CCT5: variants seen among roughly 807,000 people sequenced by gnomAD.
CCT5 encodes T-complex protein 1 subunit epsilon.
CCT5 carries 6 observed loss-of-function variants against 55.0 expected under a neutral mutation model. The ratio of observed to expected loss-of-function variants is 0.11; its 90% CI spans 0.06 to 0.22. CCT5 has a LOEUF of 0.22. CCT5 is among the 10% of genes least tolerant of loss of function. CCT5 has a pLI of 1.00. For missense variants in CCT5, 560 were observed against 694.6 expected (o/e 0.81, Z 2.18); for synonymous variants, 231 against 243.7 (o/e 0.95, Z 0.49).
intron 7 of CCT5, chr5:10,261,192 A>G (rs1745941802): frequency 2.0e-6 from 1 of 507,592 alleles, no homozygotes; most frequent in Non-Finnish European, 3.6e-6. Flanking sequence ...TCTCATCCAA[A>G]TACTAATGGC....
chr5:10,258,612 T>C (rs933508126), intron 6 of CCT5, 77 bp downstream of exon 6: 3 of 1,324,320 alleles, frequency 2.3e-6, no homozygotes, highest in African/African-American at 2.9e-5. Flanking sequence ...AGTAAATATG[T>C]GTAGTCTTTC....
At position 10,263,177 on chromosome 5, in the gene CCT5, C is replaced by T. The variant is rs1251452039; in HGVS notation, c.1361C>T (p.Ala454Val). 6.2e-7 allele frequency: 1 copy of T among 1,614,110 alleles called. No individual in the cohort carries two copies. Among genetic ancestry groups the T allele is most frequent in the Non-Finnish European group, 8.5e-7 (1 of 1,180,052 alleles). ...EQYAMRAFAD[A>V]LEVIPMALSE... ...TATGCCATGAGAGCGTTTGCCGACG[C>T]ACTGGAGGTCATCCCCATGGCCCTC... The change falls in exon 10 of 11, where the codon GCA (alanine) becomes GTA (valine). Residue 454 changes from alanine to valine, a missense_variant. Physicochemically the swap from Ala to Val is moderately conservative, Grantham distance 64. Transcript: ENST00000280326.
intron 2 of CCT5, 181 bp from the exon 3 acceptor site, chr5:10,254,492 TG>T: frequency 1.5e-6 from 1 of 657,282 alleles, no homozygotes; most frequent in Non-Finnish European, 2.7e-6. Flanking sequence ...TGCTCCATAA[TG>T]TTTTGCCAAT....
intron 7 of CCT5, 67 bp downstream of exon 7, chr5:10,260,978 G>C: frequency 6.5e-7 from 1 of 1,529,034 alleles, no homozygotes; most frequent in Non-Finnish European, 9.1e-7. Flanking sequence ...GGGGTGTTTT[G>C]ATAGCCCTGC....
At chr5:10,256,791 G>A (rs59703872) in intron 4 of CCT5, among the ~76,000 whole-genome samples, 40,835 of 152,096 alleles carry the variant, frequency 0.27, 6,670 homozygotes, top group East Asian at 0.81. Flanking sequence ...TTGGGGGTGG[G>A]TTCCACTTTT....
chr5:10,250,714 C>T lies in CCT5; in HGVS notation c.105+269C>T, dbSNP rs1437847852. On this transcript the variant is annotated intron_variant, in intron 1 of 10. Coordinates refer to ENST00000280326, the MANE Select transcript of CCT5 (RefSeq NM_012073.5). Reference sequence around the variant, plus strand: ...TGGGGCCGCTCAGTCCGGTCGCCCGCGGGAGCAAAGCGGGACCGCCTCCCC... The same window carrying T: ...TGGGGCCGCTCAGTCCGGTCGCCCGTGGGAGCAAAGCGGGACCGCCTCCCC... 5 of 1,299,130 alleles carry T rather than the reference C, an allele frequency of 3.8e-6. No homozygotes were observed. The South Asian group carries it at 5.6e-5, about 15-fold the overall frequency. The allele number at this position is 1,299,130 out of a possible 1,614,324, so 80.5% of individuals were successfully genotyped here. A position where few individuals can be genotyped will look rare whatever the true frequency, so the allele number is the denominator to read the frequency against.
rs560688668 is a variant in CCT5, at chr5:10,265,295, C to G, written c.*512C>G. The G allele has an allele frequency of 1.2e-5, 2 of 170,218 alleles. No individual in the cohort carries two copies. Among genetic ancestry groups the G allele is most frequent in the Non-Finnish European group, 2.5e-5 (2 of 78,796 alleles). 10.5% of individuals were successfully genotyped at this position (170,218 alleles called of 1,614,324 possible). On this transcript the variant is annotated 3_prime_UTR_variant, in exon 11 of 11. Coordinates refer to ENST00000280326, the MANE Select transcript of CCT5 (RefSeq NM_012073.5). ...CTAGGTTGCTCACAGCCTAACCTGGCGTGTTGTTTAGGGCTGATGGAGACC... is the reference window on the plus strand; with the variant it reads ...CTAGGTTGCTCACAGCCTAACCTGGGGTGTTGTTTAGGGCTGATGGAGACC...
chr5:10,256,852 A>G (rs534971338), intron 4 of CCT5, among the ~76,000 whole-genome samples: 16 of 152,292 alleles, frequency 1.1e-4, no homozygotes, highest in South Asian at 8.3e-4. Flanking sequence ...GAGAGTCTTG[A>G]AAGCGACTTG....
At chr5:10,251,748 C>T (rs1190466234) in intron 1 of CCT5, among the ~76,000 whole-genome samples, 1 of 152,162 alleles carries the variant, frequency 6.6e-6, no homozygotes, top group East Asian at 1.9e-4. Context: ...TATTTGTTTC[C>T]TTTCTAGAAA....
At position 10,264,925 on chromosome 5, in the gene CCT5, T is replaced by C. The variant is rs1746147870; in HGVS notation, c.*142T>C. ...AATAAAAATAGCTGTTTGGTAACCATAGTTTCACTTGTTCAAAGCTGTGTA... is the reference window on the plus strand; with the variant it reads ...AATAAAAATAGCTGTTTGGTAACCACAGTTTCACTTGTTCAAAGCTGTGTA... On this transcript the variant is annotated 3_prime_UTR_variant, in exon 11 of 11. Coordinates refer to ENST00000280326, the MANE Select transcript of CCT5 (RefSeq NM_012073.5). 1.9e-6 allele frequency: 2 copies of C among 1,069,434 alleles called. No individual in the cohort carries two copies. The highest frequency in any genetic ancestry group is 2.7e-6 in the Non-Finnish European group (2 of 727,944). The allele number at this position is 1,069,434 out of a possible 1,614,324, so 66.2% of individuals were successfully genotyped here. A position where few individuals can be genotyped will look rare whatever the true frequency, so the allele number is the denominator to read the frequency against.
chr5:10,252,108 G>T (rs1458774165), intron 1 of CCT5, among the ~76,000 whole-genome samples: 2 of 152,216 alleles, frequency 1.3e-5, no homozygotes, highest in Non-Finnish European at 2.9e-5. Context: ...GACATTCGAG[G>T]TCGGATCATT....
upstream of CCT5, chr5:10,249,935 C>CAACAAAA: frequency 2.8e-6 from 2 of 716,850 alleles, no homozygotes; most frequent in Non-Finnish European, 3.4e-6. Flanking sequence ...AAAAAAAAAA[C>CAACAAAA]CGGAAATGGG....
intron 9 of CCT5, 61 bp from the exon 10 acceptor site, chr5:10,263,073 C>T (rs1367572208): frequency 2.1e-5 from 29 of 1,389,846 alleles, no homozygotes; most frequent in South Asian, 4.6e-5. Context: ...TGTGTTTTCA[C>T]GGTGCCGCTG....
At chr5:10,252,914 C>T (rs1422682528) in intron 1 of CCT5, among the ~76,000 whole-genome samples, 1 of 151,788 alleles carries the variant, frequency 6.6e-6, no homozygotes, top group Non-Finnish European at 1.5e-5. Flanking sequence ...CTGCCTCTTG[C>T]TTTCTCCTTA....
In CCT5 at chr5:10,263,258, A is replaced by T. The variant is rs375176582; in HGVS notation, c.1442A>T (p.Gln481Leu). ...ACTATGACCGAAGTCCGAGCCAGAC[A>T]GGTGAAGGAGATGAACCCTGCTCTT... ...IQTMTEVRAR[Q>L]VKEMNPALGI... Residue 481 changes from glutamine (Q) to leucine (L), a missense_variant, in exon 10 of 11, where the codon CAG becomes CTG. Physicochemically the swap from Gln to Leu is moderately radical, Grantham distance 113. Around this residue, in one of 4 missense-constraint regions of CCT5, gnomAD observed 115 missense variants for 105.0 expected, o/e 1.10. Coordinates refer to ENST00000280326, the MANE Select transcript of CCT5 (RefSeq NM_012073.5). 2 of 1,613,534 alleles carry T rather than the reference A, an allele frequency of 1.2e-6. No individual in the cohort carries two copies. Among genetic ancestry groups the T allele is most frequent in the Non-Finnish European group, 1.7e-6 (2 of 1,179,808 alleles).
intron 4 of CCT5, among the ~76,000 whole-genome samples, chr5:10,257,201 G>A (rs763770242): frequency 6.6e-6 from 1 of 152,204 alleles, no homozygotes; most frequent in Non-Finnish European, 1.5e-5. Flanking sequence ...TTTCCCCTGA[G>A]CAAAGCCTAT....
At chr5:10,256,184 T>C in intron 4 of CCT5, 31 bp downstream of exon 4, 3 of 1,582,662 alleles carry the variant, frequency 1.9e-6, no homozygotes, top group Non-Finnish European at 2.6e-6. Flanking sequence ...TGATTACCCA[T>C]TTGTAGAGGA....
chr5:10,263,098 G>T (rs768490607), intron 9 of CCT5, 36 bp from the exon 10 acceptor site: 6 of 1,598,048 alleles, frequency 3.8e-6, no homozygotes, highest in Non-Finnish European at 4.3e-6. Context: ...GTTTTGTTTC[G>T]CCAAGTGCAC....
chr5:10,262,708 AAAC>A, intron 9 of CCT5, 90 bp downstream of exon 9: 1 of 1,396,438 alleles, frequency 7.2e-7, no homozygotes, highest in Non-Finnish European at 1.0e-6. Context: ...GCTGGATGCA[AAAC>A]AAGCATCGTG....
Sources: gnomAD v4.1 joint callset for allele counts (sites outside exome capture counted in the v4.1 genomes callset) on GRCh38, gnomAD v4.1.1 for gene constraint, gnomAD v4.1.1 regional missense constraint, MANE v1.5 for transcripts, NCBI Gene and HGNC (gene_info 2026-07-23, HGNC 2026-07-21) for gene names.